Variants in ATRNL1 observed in about 807,000 individuals in gnomAD.
ATRNL1 encodes the protein attractin like 1.
A neutral mutation model predicts 182.7 loss-of-function variants in ATRNL1; 95 were observed. The ratio of observed to expected loss-of-function variants is 0.52; its 90% CI spans 0.44 to 0.62. The LOEUF is 0.62. Among genes scored for constraint, ATRNL1 ranks in the 20% least tolerant of loss-of-function variants. The pLI is 0.00. For synonymous variants in ATRNL1, 576 were observed against 568.3 expected (o/e 1.01, Z -0.19); for missense variants, 1,471 against 1,679.5 (o/e 0.88, Z 2.17).
intron 27 of ATRNL1, among the ~76,000 whole-genome samples, chr10:115,754,204 T>C (rs1179240656): frequency 6.6e-6 from 1 of 152,208 alleles, no homozygotes; most frequent in Non-Finnish European, 1.5e-5. Context: ...ATTTTGGCTT[T>C]TGTTGCCATT....
intron 20 of ATRNL1, among the ~76,000 whole-genome samples, chr10:115,419,511 A>G (rs1845556845): frequency 6.6e-6 from 1 of 152,210 alleles, no homozygotes; most frequent in African/African-American, 2.4e-5. Context: ...TGACCAAACT[A>G]TGCTGCCTAC....
intron 9 of ATRNL1, among the ~76,000 whole-genome samples, chr10:115,239,399 A>T (rs1408608276): frequency 6.6e-6 from 1 of 151,718 alleles, no homozygotes; most frequent in Non-Finnish European, 1.5e-5. Flanking sequence ...CGCCCAGCTA[A>T]TTTTTTGTAT....
chr10:115,607,447 T>C (rs1856929632), intron 26 of ATRNL1, among the ~76,000 whole-genome samples: 1 of 151,850 alleles, frequency 6.6e-6, no homozygotes, highest in Non-Finnish European at 1.5e-5. Flanking sequence ...TAATTGTGTC[T>C]TATTTACATA....
intron 28 of ATRNL1, among the ~76,000 whole-genome samples, chr10:115,931,234 A>C (rs1953385095): frequency 6.6e-6 from 1 of 152,164 alleles, no homozygotes. Flanking sequence ...CCAAATTACT[A>C]AACTAAGTAA....
intron 21 of ATRNL1, among the ~76,000 whole-genome samples, chr10:115,442,027 G>T (rs1846707442): frequency 6.6e-6 from 1 of 151,970 alleles, no homozygotes; most frequent in African/African-American, 2.4e-5. Context: ...GCTTCCTTGT[G>T]TAGTTTTCCC....
intron 15 of ATRNL1, among the ~76,000 whole-genome samples, chr10:115,289,249 A>G (rs1852777750): frequency 1.3e-5 from 2 of 152,154 alleles, no homozygotes; most frequent in African/African-American, 4.8e-5. Context: ...ATTACTTCCC[A>G]TCAGATCCCT....
chr10:115,331,314 C>G (rs1475526933), intron 18 of ATRNL1, among the ~76,000 whole-genome samples: 4 of 152,240 alleles, frequency 2.6e-5, no homozygotes, highest in African/African-American at 9.6e-5. Flanking sequence ...TCTGCCTCAG[C>G]TTCCCAGAGT....
chr10:115,774,159 G>A (rs1949061882), intron 27 of ATRNL1, among the ~76,000 whole-genome samples: 1 of 152,138 alleles, frequency 6.6e-6, no homozygotes, highest in African/African-American at 2.4e-5. Flanking sequence ...ACCTGGTTGT[G>A]CCAAACACTA....
chr10:115,096,704 G>T (rs1554863233), intron 1 of ATRNL1: 3 of 1,288,544 alleles, frequency 2.3e-6, no homozygotes, highest in South Asian at 1.2e-5. Flanking sequence ...AAGATTGATA[G>T]TTGGGGGAAG....
At chr10:115,642,310 C>T (rs1442792410) in intron 26 of ATRNL1, among the ~76,000 whole-genome samples, 1 of 152,056 alleles carries the variant, frequency 6.6e-6, no homozygotes, top group African/African-American at 2.4e-5. Flanking sequence ...CTACACAACA[C>T]TGATGAAAGA....
At chr10:115,616,250 T>C (rs975520558) in intron 26 of ATRNL1, among the ~76,000 whole-genome samples, 4 of 152,138 alleles carry the variant, frequency 2.6e-5, no homozygotes, top group Non-Finnish European at 5.9e-5. Context: ...ATTTAGGTTA[T>C]CTGGTGGAAG....
chr10:115,121,973 GTAA>G (rs1208101151), intron 3 of ATRNL1, among the ~76,000 whole-genome samples, 161 bp downstream of exon 3: 2 of 151,830 alleles, frequency 1.3e-5, no homozygotes, highest in African/African-American at 2.4e-5. Context: ...GTCAATTTAG[GTAA>G]TAATTATGTA....
At chr10:115,608,204 A>G (rs1338947643) in intron 26 of ATRNL1, among the ~76,000 whole-genome samples, 1 of 152,008 alleles carries the variant, frequency 6.6e-6, no homozygotes, top group Non-Finnish European at 1.5e-5. Context: ...GGTATTTTCC[A>G]AGAAGACTCT....
chr10:115,625,804 T>C (rs1188871635), intron 26 of ATRNL1, among the ~76,000 whole-genome samples: 3 of 152,058 alleles, frequency 2.0e-5, no homozygotes, highest in African/African-American at 7.2e-5. Context: ...CCCTATATGC[T>C]TATATTTCCA....
chr10:115,554,947 G>T (rs144189000), intron 26 of ATRNL1, among the ~76,000 whole-genome samples: 1,670 of 151,716 alleles, frequency 0.011, 8 homozygotes, highest in Non-Finnish European at 0.017. Flanking sequence ...AAAAAATGTA[G>T]TCTCGCTAAC....
At chr10:115,463,406 ATC>A (rs1307144014) in intron 22 of ATRNL1, among the ~76,000 whole-genome samples, 1 of 152,126 alleles carries the variant, frequency 6.6e-6, no homozygotes, top group Non-Finnish European at 1.5e-5. Context: ...TTCACTGATT[ATC>A]TGTTTCTACA....
intron 8 of ATRNL1, among the ~76,000 whole-genome samples, chr10:115,199,184 T>C (rs1454716183): frequency 6.6e-6 from 1 of 152,166 alleles, no homozygotes; most frequent in East Asian, 1.9e-4. Flanking sequence ...ATTTCATCAA[T>C]GTTTTATAGT....
intron 20 of ATRNL1, among the ~76,000 whole-genome samples, chr10:115,424,756 ATGAGAATTGTGGTTG>A (rs1267756330): frequency 6.6e-5 from 10 of 152,096 alleles, no homozygotes; most frequent in African/African-American, 1.4e-4. Flanking sequence ...AATTGTGGTT[ATGAGAATTGTGGTTG>A]TGAGAAGCTG....
intron 10 of ATRNL1, among the ~76,000 whole-genome samples, chr10:115,262,410 A>G (rs535471357): frequency 6.6e-6 from 1 of 152,170 alleles, no homozygotes; most frequent in East Asian, 1.9e-4. Flanking sequence ...TGCTTACCAG[A>G]TATACAAAAA....
Sources: allele counts gnomAD v4.1 joint callset (sites outside exome capture counted in the v4.1 genomes callset), GRCh38; gene constraint gnomAD v4.1.1; transcripts MANE v1.5; gene names NCBI Gene and HGNC (gene_info 2026-07-23, HGNC 2026-07-21).